Variants in NEK7 observed in about 807,000 individuals in gnomAD.
NEK7 encodes the protein serine/threonine-protein kinase Nek7.
NEK7 carries 18 observed loss-of-function variants against 44.6 expected under a neutral mutation model. The ratio of observed to expected loss-of-function variants is 0.40; its 90% CI spans 0.28 to 0.60. The LOEUF (loss-of-function observed/expected upper bound fraction) is 0.60, where lower values mean the gene tolerates loss of function less well. Ranked by LOEUF, NEK7 falls within the 20% of genes least tolerant of loss-of-function variation. The probability of loss-of-function intolerance (pLI) is 0.38; values close to 1 mark genes in which losing one functional copy is unlikely to be tolerated. For missense variants in NEK7, 256 were observed against 366.5 expected (o/e 0.70, Z 2.46); for synonymous variants, 130 against 121.1 (o/e 1.07, Z -0.48).
chr1:198,211,818 A>C (rs1665780169), intron 1 of NEK7, among the ~76,000 whole-genome samples: 1 of 152,148 alleles, frequency 6.6e-6, no homozygotes. Flanking sequence ...TTTTTCCAAG[A>C]AGCAACACCG....
intron 1 of NEK7, among the ~76,000 whole-genome samples, chr1:198,218,016 C>A (rs2102836317): frequency 6.6e-6 from 1 of 151,660 alleles, no homozygotes; most frequent in East Asian, 1.9e-4. Flanking sequence ...CTAAAGCAAT[C>A]CTATGAAATT....
intron 9 of NEK7, among the ~76,000 whole-genome samples, chr1:198,314,999 C>G (rs371454988): frequency 1.3e-5 from 2 of 152,290 alleles, no homozygotes; most frequent in East Asian, 1.9e-4. Context: ...TACCTAAGCA[C>G]GCCTGGGCAA....
intron 1 of NEK7, among the ~76,000 whole-genome samples, chr1:198,231,303 A>C (rs200147297): frequency 2.5e-5 from 1 of 39,400 alleles, no homozygotes; most frequent in Non-Finnish European, 5.7e-5. Context: ...GTGTGTGTGT[A>C]TATATATATA....
chr1:198,250,479 C>T (rs1652906129), intron 2 of NEK7, among the ~76,000 whole-genome samples: 1 of 151,400 alleles, frequency 6.6e-6, no homozygotes, highest in Non-Finnish European at 1.5e-5. Context: ...GCAGTATGGC[C>T]ATTTTCACGA....
chr1:198,253,513 A>G (rs1653151198), intron 3 of NEK7, among the ~76,000 whole-genome samples: 1 of 152,158 alleles, frequency 6.6e-6, no homozygotes, highest in Non-Finnish European at 1.5e-5. Flanking sequence ...CTACAGCTAT[A>G]GGCACTGTAG....
chr1:198,157,236 G>T lies in NEK7; in HGVS notation c.-69G>T, dbSNP rs1159701315. ...GCGCCGAGCCACCCGCCCGCCCAAG[G>T]TCTCTCGCGGGCGGGAGAACGGAAA... On this transcript the variant is annotated 5_prime_UTR_variant, in exon 1 of 10. Transcript: ENST00000367385. 6.6e-6 allele frequency: 1 copy of T among 151,968 alleles called. No individual in the cohort carries two copies. The highest frequency in any genetic ancestry group is 1.5e-5 in the Non-Finnish European group (1 of 68,006). The allele number at this position is 151,968 out of a possible 1,614,324, so 9.4% of individuals were successfully genotyped here.
intron 3 of NEK7, chr1:198,256,470 GTTCATTTGC>G (rs1233776390): frequency 6.3e-7 from 1 of 1,593,694 alleles, no homozygotes; most frequent in African/African-American, 1.4e-5. Flanking sequence ...TCCCATCATG[GTTCATTTGC>G]AAAAAAATAA....
chr1:198,278,933 G>T, intron 6 of NEK7, 21 bp from the exon 7 acceptor site: 1 of 1,302,946 alleles, frequency 7.7e-7, no homozygotes, highest in African/African-American at 1.5e-5. Flanking sequence ...TCTTTTACCT[G>T]ATCCCTTCAT....
chr1:198,257,867 G>A (rs1653326230), intron 3 of NEK7, among the ~76,000 whole-genome samples: 1 of 152,038 alleles, frequency 6.6e-6, no homozygotes, highest in Non-Finnish European at 1.5e-5. Flanking sequence ...CTACTATATG[G>A]CAGACACTGT....
intron 9 of NEK7, among the ~76,000 whole-genome samples, chr1:198,309,974 G>T (rs1198432820): frequency 2.6e-5 from 4 of 151,844 alleles, no homozygotes; most frequent in Non-Finnish European, 5.9e-5. Context: ...TGGGATGGCT[G>T]GGTCAAATGG....
chr1:198,253,554 C>T lies in NEK7; in HGVS notation c.198+374C>T, dbSNP rs189786009. On this transcript the variant is annotated intron_variant, in intron 3 of 9. Coordinates refer to ENST00000367385, the MANE Select transcript of NEK7 (RefSeq NM_133494.3). ...AACTAGAGTCACAAAATGTACTGCCCGAAGTTAGTAAATGGCAGTTAAACT... is the reference window on the plus strand; with the variant it reads ...AACTAGAGTCACAAAATGTACTGCCTGAAGTTAGTAAATGGCAGTTAAACT... Among the ~76,000 whole-genome samples the T allele has an allele frequency of 9.9e-5, 15 of 151,880 alleles. No individual in the cohort carries two copies. The East Asian group carries it at 2.3e-3, about 24-fold the overall frequency.
chr1:198,222,777 T>C (rs1156823720), intron 1 of NEK7, among the ~76,000 whole-genome samples: 1 of 151,020 alleles, frequency 6.6e-6, no homozygotes, highest in Non-Finnish European at 1.5e-5. Flanking sequence ...CTGCTACTTA[T>C]AGCAGAGGAG....
At chr1:198,285,900 A>G (rs1467377237) in intron 7 of NEK7, among the ~76,000 whole-genome samples, 1 of 152,040 alleles carries the variant, frequency 6.6e-6, no homozygotes, top group Non-Finnish European at 1.5e-5. Context: ...CTTAATGGGA[A>G]TGGGTGGTAG....
intron 5 of NEK7, among the ~76,000 whole-genome samples, chr1:198,277,422 A>G (rs1479492508): frequency 6.6e-6 from 1 of 151,850 alleles, no homozygotes; most frequent in Non-Finnish European, 1.5e-5. Flanking sequence ...CATTCAAAGC[A>G]AAGTACAAGT....
At chr1:198,233,298 TC>T (rs1666453960) in intron 2 of NEK7, among the ~76,000 whole-genome samples, 1 of 152,158 alleles carries the variant, frequency 6.6e-6, no homozygotes, top group Non-Finnish European at 1.5e-5. Flanking sequence ...AATAAAAAAA[TC>T]TTTTAGTAAA....
At chr1:198,252,766 T>C (rs1156268520) in intron 2 of NEK7, among the ~76,000 whole-genome samples, 1 of 151,486 alleles carries the variant, frequency 6.6e-6, no homozygotes, top group Non-Finnish European at 1.5e-5. Flanking sequence ...AACACACATA[T>C]ATATATATGT....
intron 2 of NEK7, chr1:198,245,332 G>C (rs12046935): frequency 5.9e-6 from 1 of 169,122 alleles, no homozygotes; most frequent in Non-Finnish European, 1.5e-5. Flanking sequence ...TTAAAAGCCT[G>C]TGTGATCCAG....
At position 198,247,591 on chromosome 1, in the gene NEK7, C is replaced by T. The variant is rs545472158; in HGVS notation, c.58-5449C>T. On this transcript the variant is annotated intron_variant, in intron 2 of 9. Coordinates refer to ENST00000367385, the MANE Select transcript of NEK7 (RefSeq NM_133494.3). ...GACCTATACTTATGAAATGAATTTG[C>T]GAAATTTGAAAAATTTCTTGTACTC... 6.6e-5 allele frequency among the ~76,000 whole-genome samples: 10 copies of T among 152,018 alleles called. No individual in the cohort carries two copies. The East Asian group carries it at 9.7e-4, about 15-fold the overall frequency.
intron 1 of NEK7, among the ~76,000 whole-genome samples, chr1:198,200,597 C>G (rs371829716): frequency 6.7e-6 from 1 of 149,432 alleles, no homozygotes; most frequent in East Asian, 1.9e-4. Flanking sequence ...GTTGCCCAGG[C>G]TGGAGTGCAG....
Sources: allele counts gnomAD v4.1 joint callset (sites outside exome capture counted in the v4.1 genomes callset), GRCh38; gene constraint gnomAD v4.1.1; transcripts MANE v1.5; gene names NCBI Gene and HGNC (gene_info 2026-07-23, HGNC 2026-07-21).